Variants in CREBRF observed in about 807,000 individuals in gnomAD.
CREBRF encodes UPF0474 protein C5orf41.
Under a neutral mutation model 66.1 loss-of-function variants are expected in CREBRF, and 5 were observed. The observed-to-expected ratio is 0.08, with a 90% confidence interval of 0.04 to 0.16. CREBRF has a LOEUF of 0.16. Among genes scored for constraint, CREBRF ranks in the 10% least tolerant of loss-of-function variants. CREBRF has a pLI of 1.00. For synonymous variants in CREBRF, 229 were observed against 264.4 expected (o/e 0.87, Z 1.30); for missense variants, 531 against 744.9 (o/e 0.71, Z 3.34).
chr5:173,126,020 C>CA (rs1156309770), intron 8 of CREBRF, among the ~76,000 whole-genome samples: 1 of 152,012 alleles, frequency 6.6e-6, no homozygotes, highest in Admixed American at 6.6e-5. Context: ...GAAACAAAAA[C>CA]AAAAAAATGG....
At chr5:173,122,187 C>T (rs1023253747) in intron 7 of CREBRF, among the ~76,000 whole-genome samples, 5 of 152,160 alleles carry the variant, frequency 3.3e-5, no homozygotes, top group Admixed American at 2.0e-4. Context: ...CTGCAACCTC[C>T]ACCTCCTGGG....
chr5:173,081,853 A>G (rs1434480833), intron 2 of CREBRF, among the ~76,000 whole-genome samples: 1 of 151,702 alleles, frequency 6.6e-6, no homozygotes, highest in African/African-American at 2.4e-5. Flanking sequence ...CTGGGAGTGC[A>G]AAGATCATGC....
At chr5:173,091,553 T>G (rs918735374) in intron 4 of CREBRF, 152 bp downstream of exon 4, 7 of 1,440,796 alleles carry the variant, frequency 4.9e-6, no homozygotes, top group Non-Finnish European at 6.4e-6. Flanking sequence ...AATTGGTTTT[T>G]CTATTCAAAT....
intron 8 of CREBRF, 51 bp downstream of exon 8, chr5:173,123,253 G>T: frequency 6.5e-7 from 1 of 1,538,228 alleles, no homozygotes. Context: ...TGTGTAAGAT[G>T]TATGATTTAA....
At chr5:173,085,836 TGGC>T in intron 2 of CREBRF, 1 of 785,756 alleles carries the variant, frequency 1.3e-6, no homozygotes, top group Non-Finnish European at 2.4e-6. Flanking sequence ...TGTTTGTTCT[TGGC>T]AAGTTTCTCA....
At chr5:173,086,871 G>A (rs915332598) in intron 3 of CREBRF, among the ~76,000 whole-genome samples, 1 of 151,908 alleles carries the variant, frequency 6.6e-6, no homozygotes, top group African/African-American at 2.4e-5. Context: ...CCACCTCCCA[G>A]GTTCAAATGA....
intron 1 of CREBRF, among the ~76,000 whole-genome samples, chr5:173,059,253 T>TTTA (rs1757183088): frequency 8.5e-6 from 1 of 117,876 alleles, no homozygotes; most frequent in Admixed American, 9.2e-5. Flanking sequence ...AGTTCTTCTT[T>TTTA]TTCTTTTTTT....
intron 1 of CREBRF, among the ~76,000 whole-genome samples, chr5:173,076,085 T>G (rs1235867160): frequency 6.9e-6 from 1 of 144,520 alleles, no homozygotes; most frequent in African/African-American, 2.6e-5. Context: ...AAAAAGTAAT[T>G]AAGTAAAAGA....
At chr5:173,128,291 T>G (rs1449789272) in intron 8 of CREBRF, among the ~76,000 whole-genome samples, 1 of 152,196 alleles carries the variant, frequency 6.6e-6, no homozygotes, top group East Asian at 1.9e-4. Flanking sequence ...TTTCTAGTTT[T>G]ATTACTGACC....
intron 7 of CREBRF, among the ~76,000 whole-genome samples, chr5:173,115,720 C>T (rs1369775021): frequency 1.3e-5 from 2 of 152,108 alleles, no homozygotes; most frequent in Admixed American, 6.5e-5. Context: ...TCACTGCAAG[C>T]TCCGCCTCCC....
At chr5:173,067,790 GGAGATC>G (rs1363892830) in intron 1 of CREBRF, among the ~76,000 whole-genome samples, 136 of 152,190 alleles carry the variant, frequency 8.9e-4, no homozygotes, top group Non-Finnish European at 3.2e-4. Flanking sequence ...GAAGAGGTCA[GGAGATC>G]GAGACCATCT....
chr5:173,066,519 TA>T (rs1757441411), intron 1 of CREBRF, among the ~76,000 whole-genome samples: 1 of 152,222 alleles, frequency 6.6e-6, no homozygotes, highest in South Asian at 2.1e-4. Flanking sequence ...ATAATTTATG[TA>T]AAAGAAAATT....
intron 8 of CREBRF, among the ~76,000 whole-genome samples, chr5:173,127,461 CT>C (rs70984945): frequency 0.37 from 47,700 of 130,572 alleles, 8,247 homozygotes; most frequent in Non-Finnish European, 0.43. Flanking sequence ...TTTTTCTTTT[CT>C]TTTTTTTTTT....
chr5:173,061,024 G>C (rs1581652368), intron 1 of CREBRF, among the ~76,000 whole-genome samples: 3 of 152,160 alleles, frequency 2.0e-5, no homozygotes, highest in Admixed American at 6.5e-5. Context: ...CTGGAGTGCA[G>C]TGGCACGATC....
intron 7 of CREBRF, among the ~76,000 whole-genome samples, chr5:173,117,395 T>A (rs969494137): frequency 3.9e-4 from 45 of 115,202 alleles, no homozygotes; most frequent in Non-Finnish European, 7.3e-4. Flanking sequence ...AAAAAAAAAA[T>A]AAGTAAGTAA....
intron 1 of CREBRF, chr5:173,068,041 A>T: frequency 2.7e-6 from 1 of 366,356 alleles, no homozygotes; most frequent in South Asian, 1.9e-5. Flanking sequence ...TCTGTTTTAA[A>T]ATGTATATCC....
At chr5:173,077,065 T>G (rs1192289275) in intron 1 of CREBRF, among the ~76,000 whole-genome samples, 1 of 151,572 alleles carries the variant, frequency 6.6e-6, no homozygotes, top group Non-Finnish European at 1.5e-5. Flanking sequence ...TGCCTCAGCC[T>G]CCTAAGTAAC....
At chr5:173,096,608 T>C (rs1404577034) in intron 4 of CREBRF, among the ~76,000 whole-genome samples, 2 of 150,612 alleles carry the variant, frequency 1.3e-5, no homozygotes, top group Non-Finnish European at 2.9e-5. Context: ...CATGGAATAG[T>C]AGTTGAGAGA....
chr5:173,069,370 C>T (rs1043549922), intron 1 of CREBRF, among the ~76,000 whole-genome samples: 1 of 151,752 alleles, frequency 6.6e-6, no homozygotes, highest in African/African-American at 2.4e-5. Flanking sequence ...GACAGAGTCT[C>T]ACTCAGTTAC....
Sources: gnomAD v4.1 joint callset for allele counts (sites outside exome capture counted in the v4.1 genomes callset) on GRCh38, gnomAD v4.1.1 for gene constraint, MANE v1.5 for transcripts, NCBI Gene and HGNC (gene_info 2026-07-23, HGNC 2026-07-21) for gene names.